Variants in OLFM2 observed in about 807,000 individuals in gnomAD.
OLFM2 encodes olfactomedin 2, also known as noelin-2.
In OLFM2, 20 loss-of-function variants were observed where a neutral mutation model predicts 43.9. That is an observed-to-expected ratio of 0.46 (90% CI 0.32 to 0.66). The LOEUF (loss-of-function observed/expected upper bound fraction) is 0.66. Ranked by LOEUF, OLFM2 falls within the 30% of genes least tolerant of loss-of-function variation. OLFM2 has a pLI of 0.04. For missense variants in OLFM2, 416 were observed against 643.6 expected (o/e 0.65, Z 3.83); for synonymous variants, 268 against 278.6 (o/e 0.96, Z 0.38).
At chr19:9,896,664 T>C (rs12977159) in intron 1 of OLFM2, among the ~76,000 whole-genome samples, 143,417 of 152,288 alleles carry the variant, frequency 0.94, 67,993 homozygotes, top group Non-Finnish European at 0.99. Context: ...CTTTCCTCTC[T>C]GCATCAGATC....
At chr19:9,869,223 G>C (rs2046425237) in intron 1 of OLFM2, among the ~76,000 whole-genome samples, 1 of 152,078 alleles carries the variant, frequency 6.6e-6, no homozygotes, top group South Asian at 2.1e-4. Context: ...AATTATTTTT[G>C]GCAGGGATTT....
At chr19:9,882,898 T>C (rs1052042486) in intron 1 of OLFM2, among the ~76,000 whole-genome samples, 1 of 149,338 alleles carries the variant, frequency 6.7e-6, no homozygotes, top group Non-Finnish European at 1.5e-5. Flanking sequence ...CCCTATCTAT[T>C]AAAAAAAATA....
At chr19:9,931,241 A>G (rs1320156245) in intron 1 of OLFM2, among the ~76,000 whole-genome samples, 1 of 152,098 alleles carries the variant, frequency 6.6e-6, no homozygotes, top group African/African-American at 2.4e-5. Context: ...GGTAAAGAAG[A>G]TGGGTTTTCT....
At chr19:9,899,697 G>A (rs1425923034) in intron 1 of OLFM2, among the ~76,000 whole-genome samples, 3 of 151,794 alleles carry the variant, frequency 2.0e-5, no homozygotes, top group Admixed American at 2.0e-4. Flanking sequence ...GACTACAGGT[G>A]CACGCCACCA....
chr19:9,892,052 G>A (rs1012405900), intron 1 of OLFM2, among the ~76,000 whole-genome samples: 6 of 152,162 alleles, frequency 3.9e-5, no homozygotes, highest in African/African-American at 1.4e-4. Flanking sequence ...AACTGGCATA[G>A]TGAGGAGGGC....
chr19:9,918,706 ATATGC>A (rs2086400820), intron 1 of OLFM2, among the ~76,000 whole-genome samples: 1 of 152,226 alleles, frequency 6.6e-6, no homozygotes, highest in African/African-American at 2.4e-5. Context: ...TGCTCCTGAT[ATATGC>A]TACAATGTGG....
chr19:9,873,684 C>T (rs140356425), intron 1 of OLFM2, among the ~76,000 whole-genome samples: 1 of 152,152 alleles, frequency 6.6e-6, no homozygotes, highest in African/African-American at 2.4e-5. Flanking sequence ...CCGTGTCCCA[C>T]ATTGGTGTGA....
rs535161778 is a variant in OLFM2 at position 9,893,953 on chromosome 19, T to A, written c.64-33159A>T. The stretch of plus-strand genomic sequence containing the variant: ...CCCTCTATCTGAGCTCTCCCCAGCC[T>A]CAGACACCAAACCTCAGGTCAGGAG... On this transcript the variant is annotated intron_variant, in intron 1 of 5. Coordinates refer to ENST00000264833, the MANE Select transcript of OLFM2 (RefSeq NM_058164.4). 4.6e-5 allele frequency among the ~76,000 whole-genome samples: 7 copies of A among 152,104 alleles called. No individual in the cohort carries two copies. In the East Asian group the frequency reaches 1.2e-3, roughly 25 times the overall value.
intron 1 of OLFM2, among the ~76,000 whole-genome samples, chr19:9,907,697 T>C (rs2046796001): frequency 6.6e-6 from 1 of 151,538 alleles, no homozygotes; most frequent in African/African-American, 2.4e-5. Flanking sequence ...GAGACAGACA[T>C]GAATGAGATA....
intron 1 of OLFM2, among the ~76,000 whole-genome samples, chr19:9,866,131 C>T (rs887856642): frequency 9.9e-5 from 15 of 152,186 alleles, no homozygotes; most frequent in East Asian, 3.9e-4. Flanking sequence ...CGCATCTCAC[C>T]GGAGTGTTCT....
At chr19:9,899,173 G>A (rs1193647801) in intron 1 of OLFM2, among the ~76,000 whole-genome samples, 5 of 151,940 alleles carry the variant, frequency 3.3e-5, no homozygotes, top group Non-Finnish European at 7.4e-5. Context: ...GCTGAGGCAG[G>A]AGAATCACTT....
intron 1 of OLFM2, among the ~76,000 whole-genome samples, chr19:9,911,868 C>T (rs751101447): frequency 6.6e-6 from 1 of 152,148 alleles, no homozygotes; most frequent in African/African-American, 2.4e-5. Context: ...CAGATGGCAA[C>T]GGCAAGAAGC....
intron 1 of OLFM2, among the ~76,000 whole-genome samples, chr19:9,869,878 C>T (rs1218573544): frequency 6.6e-6 from 1 of 152,092 alleles, no homozygotes; most frequent in Non-Finnish European, 1.5e-5. Flanking sequence ...CCTCAGACTC[C>T]CAAAATGCTG....
rs1382003658 is a variant in OLFM2, at chr19:9,913,793, G to A, written c.63+22511C>T. Reference sequence around the variant, plus strand: ...GGTGAGGGGGGGCTCGGGGACGCGGGCTGCGGCTCGGCGCGCCTGGCGGGC... The same window carrying A: ...GGTGAGGGGGGGCTCGGGGACGCGGACTGCGGCTCGGCGCGCCTGGCGGGC... On this transcript the variant is annotated intron_variant, in intron 1 of 5. Coordinates refer to ENST00000264833, the MANE Select transcript of OLFM2 (RefSeq NM_058164.4). 1.3e-5 allele frequency: 7 copies of A among 518,940 alleles called. No homozygotes were observed. The South Asian group carries it at 3.4e-4, about 25-fold the overall frequency. The allele number at this position is 518,940 out of a possible 1,614,324, so 32.1% of individuals were successfully genotyped here.
Position 9,853,928 on chromosome 19 carries a change from C to T in OLFM2, c.*258G>A. ...GACGGAAAGAACTGGAGAACCAGAG[C>T]CATAAAAAGAAAAAGACATCCATAA... On this transcript the variant is annotated 3_prime_UTR_variant, in exon 6 of 6. Coordinates refer to ENST00000264833, the MANE Select transcript of OLFM2 (RefSeq NM_058164.4). The T allele has an allele frequency of 1.7e-6, 1 of 574,886 alleles. No homozygotes were observed. Among genetic ancestry groups the T allele is most frequent in the Non-Finnish European group, 3.1e-6 (1 of 327,188 alleles). The allele number at this position is 574,886 out of a possible 1,614,324, so 35.6% of individuals were successfully genotyped here.
chr19:9,917,977 C>T (rs192379857), intron 1 of OLFM2, among the ~76,000 whole-genome samples: 6 of 152,116 alleles, frequency 3.9e-5, no homozygotes, highest in Non-Finnish European at 7.4e-5. Context: ...CTCCTGGGTT[C>T]GAGTAATTCT....
chr19:9,854,810 G>A lies in OLFM2; in HGVS notation c.741C>T (p.Thr247=). ...YKGRRVLEFR[T]LGDFIKGQNF... ...TCTGGCCTTTGATGAAGTCTCCCAG[G>A]GTACGGAACTCCAGGACCCGGCGGC... The change falls in exon 6 of 6, where the codon ACC becomes ACT. Residue 247 remains threonine (T), a synonymous_variant. Coordinates refer to ENST00000264833, the MANE Select transcript of OLFM2 (RefSeq NM_058164.4). The surrounding 1 kb of genome is among the most constrained non-coding windows in gnomAD (Gnocchi z 9.5). The A allele has an allele frequency of 6.2e-7, 1 of 1,607,288 alleles. No individual in the cohort carries two copies. The highest frequency in any genetic ancestry group is 8.5e-7 in the Non-Finnish European group (1 of 1,175,020).
At chr19:9,908,962 C>G (rs893135654) in intron 1 of OLFM2, among the ~76,000 whole-genome samples, 2 of 151,852 alleles carry the variant, frequency 1.3e-5, no homozygotes, top group Non-Finnish European at 2.9e-5. Context: ...CACCTTGACC[C>G]CTCAAAGTGC....
chr19:9,855,014 T>G (rs2046304344), intron 5 of OLFM2, 151 bp from the exon 6 acceptor site: 1 of 634,186 alleles, frequency 1.6e-6, no homozygotes, highest in African/African-American at 1.8e-5. Flanking sequence ...ATGGCCCTAG[T>G]GTGACCATGA....
Sources: gnomAD v4.1 joint callset for allele counts (sites outside exome capture counted in the v4.1 genomes callset) on GRCh38, gnomAD v4.1.1 for gene constraint, Gnocchi (gnomAD v3.1) non-coding constraint, MANE v1.5 for transcripts, NCBI Gene and HGNC (gene_info 2026-07-23, HGNC 2026-07-21) for gene names.